The following FAM174B variants were observed in gnomAD, a reference collection of about 807,000 sequenced individuals.
FAM174B encodes the protein family with sequence similarity 174 member B.
Under a neutral mutation model 10.9 loss-of-function variants are expected in FAM174B, and 12 were observed. The observed-to-expected ratio is 1.10, with a 90% CI of 0.71 to 1.79. The LOEUF is 1.79. Ranked by LOEUF, FAM174B falls within the 40% of genes most tolerant of loss-of-function variation. The probability of loss-of-function intolerance (pLI) is 0.00; values close to 1 mark genes in which losing one functional copy is unlikely to be tolerated. For missense variants in FAM174B, 266 were observed against 233.3 expected (o/e 1.14, Z -0.91); for synonymous variants, 132 against 115.8 (o/e 1.14, Z -0.90).
chr15:92,640,627 A>G (rs575299259), intron 1 of FAM174B, among the ~76,000 whole-genome samples: 2 of 149,642 alleles, frequency 1.3e-5, no homozygotes, highest in South Asian at 4.2e-4. Context: ...CCAACTCATC[A>G]TAAATTTTGG....
Position 92,655,679 on chromosome 15 carries a change from G to T in FAM174B, c.-20C>A. 8.0e-7 allele frequency: 1 copy of T among 1,245,708 alleles called. No homozygotes were observed. The allele number at this position is 1,245,708 out of a possible 1,614,324, so 77.2% of individuals were successfully genotyped here. A position where few individuals can be genotyped will look rare whatever the true frequency, so the allele number is the denominator to read the frequency against. On this transcript the variant is annotated 5_prime_UTR_variant, in exon 1 of 3. In the 5' UTR this introduces an upstream ATG that the reference lacks. Coordinates refer to ENST00000327355, the MANE Select transcript of FAM174B (RefSeq NM_207446.3). ...GCGCATAGTGCGGTGGGTCGGCACA[G>T]GATCGGGCAGGGCGCGCGCGGCTGA... is the stretch of plus-strand genomic sequence containing the variant.
Position 92,618,743 on chromosome 15 carries a change from T to TGC in FAM174B, c.*711_*712dup, listed in dbSNP as rs796654721. 9.3e-4 allele frequency: 105 copies of TGC among 113,060 alleles called. 2 individuals are homozygous for TGC. The South Asian group carries it at 0.021, about 22-fold the overall frequency. 7.0% of individuals were successfully genotyped at this position (113,060 alleles called of 1,614,324 possible). ...TCACACACGTGCACACGCACACACG[T>TGC]GCACACACACACACACACACACGCA... On this transcript the variant is annotated 3_prime_UTR_variant, in exon 3 of 3. Coordinates refer to ENST00000327355, the MANE Select transcript of FAM174B (RefSeq NM_207446.3).
chr15:92,649,498 G>C (rs1421949664), intron 1 of FAM174B, among the ~76,000 whole-genome samples: 1 of 152,210 alleles, frequency 6.6e-6, no homozygotes, highest in Non-Finnish European at 1.5e-5. Flanking sequence ...TCTGTTTTCA[G>C]AATCGTATTT....
chr15:92,619,764 T>A (rs1446503751), intron 2 of FAM174B: 1 of 449,656 alleles, frequency 2.2e-6, no homozygotes, highest in Non-Finnish European at 4.0e-6. Context: ...ACACTAGGGG[T>A]TGGAAAACTT....
At position 92,652,872 on chromosome 15, in the gene FAM174B, T is replaced by C. The variant is rs546382670; in HGVS notation, c.344+2444A>G. On this transcript the variant is annotated intron_variant, in intron 1 of 2. Transcript: ENST00000327355. ...CATTTGGTTAGCTGACTAACCAAGG[T>C]TACAGGGGAGCGTGGGACAGGGGAA... Among the ~76,000 whole-genome samples, 15 of 152,062 alleles carry C rather than the reference T, an allele frequency of 9.9e-5. No homozygotes were observed. The East Asian group carries it at 2.7e-3, about 27-fold the overall frequency.
intron 1 of FAM174B, among the ~76,000 whole-genome samples, chr15:92,638,622 T>G (rs770779078): frequency 6.6e-6 from 1 of 152,210 alleles, no homozygotes; most frequent in Non-Finnish European, 1.5e-5. Context: ...CCCCTGTTGG[T>G]GTGCTTCTGA....
chr15:92,654,455 G>A (rs533152736), intron 1 of FAM174B, among the ~76,000 whole-genome samples: 1 of 152,310 alleles, frequency 6.6e-6, no homozygotes, highest in East Asian at 1.9e-4. Context: ...AAATGTCCTT[G>A]CATTCCTCTT....
chr15:92,653,048 A>C (rs60777951), intron 1 of FAM174B: 42 of 152,310 alleles, frequency 2.8e-4, no homozygotes, highest in African/African-American at 1.0e-3. Context: ...GGGACTGTGC[A>C]CCATCAGGGC....
At chr15:92,655,175 C>T in intron 1 of FAM174B, 141 bp downstream of exon 1, 3 of 1,251,468 alleles carry the variant, frequency 2.4e-6, no homozygotes, top group Non-Finnish European at 3.1e-6. Flanking sequence ...ACCCACTCTC[C>T]CGGGCAGGGC....
intron 2 of FAM174B, 140 bp from the exon 3 acceptor site, chr15:92,619,599 G>T: frequency 1.0e-6 from 1 of 967,768 alleles, no homozygotes; most frequent in Non-Finnish European, 1.5e-6. Flanking sequence ...CTTTGAGCGT[G>T]CTGTCTGGAA....
chr15:92,655,096 T>G, intron 1 of FAM174B: 1 of 476,330 alleles, frequency 2.1e-6, no homozygotes, highest in Non-Finnish European at 3.4e-6. Context: ...ATATATATAG[T>G]TAAAGAGAGG....
chr15:92,628,300 G>T (rs2050766976), intron 2 of FAM174B, among the ~76,000 whole-genome samples: 1 of 149,876 alleles, frequency 6.7e-6, no homozygotes, highest in South Asian at 2.1e-4. Context: ...AAGTAGCTGG[G>T]ACTACAGGCA....
At chr15:92,637,783 G>A (rs2050865432) in intron 1 of FAM174B, among the ~76,000 whole-genome samples, 1 of 152,146 alleles carries the variant, frequency 6.6e-6, no homozygotes, top group African/African-American at 2.4e-5. Flanking sequence ...GAGACTACAC[G>A]GCTGTGATGA....
At chr15:92,624,874 C>T (rs761474152) in intron 2 of FAM174B, among the ~76,000 whole-genome samples, 1 of 152,146 alleles carries the variant, frequency 6.6e-6, no homozygotes, top group African/African-American at 2.4e-5. Context: ...GCCACACACA[C>T]GGGAGGAAAA....
At chr15:92,649,575 T>G (rs2050951041) in intron 1 of FAM174B, among the ~76,000 whole-genome samples, 1 of 152,254 alleles carries the variant, frequency 6.6e-6, no homozygotes, top group South Asian at 2.1e-4. Flanking sequence ...AATCTCATTC[T>G]AAACCTGCAA....
chr15:92,637,598 T>C (rs540428189), intron 1 of FAM174B, among the ~76,000 whole-genome samples: 16 of 152,192 alleles, frequency 1.1e-4, no homozygotes, highest in Admixed American at 5.2e-4. Context: ...AATTTTCCTA[T>C]ATCCTCAAGC....
intron 1 of FAM174B, among the ~76,000 whole-genome samples, chr15:92,651,987 T>C (rs2050969469): frequency 6.6e-6 from 1 of 152,250 alleles, no homozygotes; most frequent in Non-Finnish European, 1.5e-5. Context: ...TCATACTTAC[T>C]ACACTCTCCT....
intron 2 of FAM174B, among the ~76,000 whole-genome samples, chr15:92,624,696 G>A (rs2050741632): frequency 6.6e-6 from 1 of 152,358 alleles, no homozygotes; most frequent in Non-Finnish European, 1.5e-5. Flanking sequence ...GTGGGAAGCA[G>A]GGATTTCTAG....
In FAM174B at chr15:92,617,536, T is replaced by C; in HGVS notation, c.*1920A>G. 2.0e-6 allele frequency: 1 copy of C among 508,292 alleles called. No homozygotes were observed. Among genetic ancestry groups the C allele is most frequent in the Admixed American group, 4.1e-5 (1 of 24,174 alleles). 31.5% of individuals were successfully genotyped at this position (508,292 alleles called of 1,614,324 possible). On this transcript the variant is annotated 3_prime_UTR_variant, in exon 3 of 3. Coordinates refer to ENST00000327355, the MANE Select transcript of FAM174B (RefSeq NM_207446.3). ...GGTCACTTTCAGCAGCCGCCATTTC[T>C]GCCAGGACCAGTGGCAAGCACCTGG...
Sources: allele counts gnomAD v4.1 joint callset (sites outside exome capture counted in the v4.1 genomes callset), GRCh38; gene constraint gnomAD v4.1.1; transcripts MANE v1.5; gene names NCBI Gene and HGNC (gene_info 2026-07-23, HGNC 2026-07-21).